Variants in HDAC4 observed in about 807,000 individuals in gnomAD.
HDAC4 encodes histone deacetylase A.
A neutral mutation model predicts 135.1 loss-of-function variants in HDAC4; 16 were observed. The observed-to-expected ratio is 0.12, with a 90% CI of 0.08 to 0.18. HDAC4 has a LOEUF of 0.18. Ranked by LOEUF, HDAC4 falls within the 10% of genes least tolerant of loss-of-function variation. HDAC4 has a pLI of 1.00. For missense variants in HDAC4, 1,143 were observed against 1,511.8 expected (o/e 0.76, Z 4.05); for synonymous variants, 685 against 653.4 (o/e 1.05, Z -0.74).
intron 3 of HDAC4, among the ~76,000 whole-genome samples, chr2:239,202,775 A>G (rs994164798): frequency 6.6e-6 from 1 of 152,208 alleles, no homozygotes; most frequent in South Asian, 2.1e-4. Context: ...GGGACAAAAC[A>G]GCAGGCCCAG....
chr2:239,096,023 T>C (rs2036994018), intron 16 of HDAC4, among the ~76,000 whole-genome samples: 2 of 152,230 alleles, frequency 1.3e-5, no homozygotes, highest in African/African-American at 4.8e-5. Context: ...TACCCCCCGC[T>C]GTGGGGCTCC....
intron 3 of HDAC4, among the ~76,000 whole-genome samples, chr2:239,213,299 C>T (rs1443887144): frequency 1.3e-5 from 2 of 152,288 alleles, no homozygotes; most frequent in East Asian, 1.9e-4. Flanking sequence ...AAGGGTGAGC[C>T]GTGGCGGATG....
intron 2 of HDAC4, among the ~76,000 whole-genome samples, chr2:239,259,100 G>T (rs544181703): frequency 2.0e-5 from 3 of 152,218 alleles, no homozygotes; most frequent in Admixed American, 6.5e-5. Context: ...CCATTTTTTT[G>T]AATATAATGC....
At position 239,301,467 on chromosome 2, in the gene HDAC4, C is replaced by CTTTT. The variant is rs368766670; in HGVS notation, c.22+51210_22+51211insAAAA. Among the ~76,000 whole-genome samples, 12 of 130,248 alleles carry CTTTT rather than the reference C, an allele frequency of 9.2e-5. 1 individual carries two copies. Among genetic ancestry groups the CTTTT allele is most frequent in the South Asian group, 5.0e-4 (2 of 3,980 alleles). 85.4% of individuals were successfully genotyped at this position (130,248 alleles called of 152,430 possible). A position where few individuals can be genotyped will look rare whatever the true frequency, so the allele number is the denominator to read the frequency against. ...CATTTCTAAATTCTGCTGGTGCTTT[C>CTTTT]TTTCTTTTTTTTTTTTTTTATTTTT... is the stretch of plus-strand genomic sequence containing the variant. On this transcript the variant is annotated intron_variant, in intron 2 of 26. Coordinates refer to ENST00000543185, the MANE Select transcript of HDAC4 (RefSeq NM_001378414.1).
At chr2:239,367,715 G>A (rs1345600527) in intron 1 of HDAC4, among the ~76,000 whole-genome samples, 1 of 152,184 alleles carries the variant, frequency 6.6e-6, no homozygotes, top group Non-Finnish European at 1.5e-5. Context: ...TTTAGGCTGG[G>A]TGTGGTGGCT....
At chr2:239,101,900 C>A (rs957860516) in intron 16 of HDAC4, among the ~76,000 whole-genome samples, 19 of 151,464 alleles carry the variant, frequency 1.3e-4, no homozygotes, top group African/African-American at 4.4e-4. Flanking sequence ...GTTCTGTGCC[C>A]TGGGAGCCCC....
At chr2:239,234,237 G>A (rs1034026957) in intron 3 of HDAC4, among the ~76,000 whole-genome samples, 2 of 152,094 alleles carry the variant, frequency 1.3e-5, no homozygotes, top group Non-Finnish European at 2.9e-5. Context: ...CCTGGGCATC[G>A]CTGCTACGTT....
intron 4 of HDAC4, among the ~76,000 whole-genome samples, chr2:239,185,563 G>A (rs1298292697): frequency 3.3e-5 from 5 of 152,040 alleles, no homozygotes; most frequent in Non-Finnish European, 7.4e-5. Flanking sequence ...TGCACCCTGA[G>A]GTGGGTGCCG....
intron 2 of HDAC4, among the ~76,000 whole-genome samples, chr2:239,290,694 ACACACGCACG>A (rs879344553): frequency 6.6e-5 from 10 of 151,994 alleles, no homozygotes; most frequent in Admixed American, 6.6e-4. Context: ...GCGCATGCAC[ACACACGCACG>A]CACACACTCA....
chr2:239,255,091 C>A (rs1455038599), intron 2 of HDAC4, among the ~76,000 whole-genome samples: 1 of 152,148 alleles, frequency 6.6e-6, no homozygotes, highest in African/African-American at 2.4e-5. Flanking sequence ...TGAGTACTTA[C>A]CATTCAGAAA....
chr2:239,399,572 G>A (rs886458546), intron 1 of HDAC4, among the ~76,000 whole-genome samples: 3 of 152,196 alleles, frequency 2.0e-5, no homozygotes, highest in Non-Finnish European at 4.4e-5. Context: ...ACCAGGTCAA[G>A]GTGCAAACCT....
At chr2:239,215,757 G>A (rs768990786) in intron 3 of HDAC4, among the ~76,000 whole-genome samples, 2 of 152,230 alleles carry the variant, frequency 1.3e-5, no homozygotes, top group Non-Finnish European at 2.9e-5. Context: ...AAAGCTGTCT[G>A]CACCAGCGCC....
chr2:239,093,942 A>G, intron 17 of HDAC4: 1 of 985,336 alleles, frequency 1.0e-6, no homozygotes, highest in Non-Finnish European at 1.2e-6. Context: ...GGTGGTATGA[A>G]TAAATGCCGT....
intron 2 of HDAC4, among the ~76,000 whole-genome samples, chr2:239,274,270 C>A (rs777452897): frequency 9.2e-5 from 14 of 152,238 alleles, no homozygotes; most frequent in Non-Finnish European, 7.3e-5. Flanking sequence ...GAAGGTTACA[C>A]CCTCCCAGCT....
intron 2 of HDAC4, among the ~76,000 whole-genome samples, chr2:239,242,230 A>AAGGGAGGGAGGGAGGGAGGG (rs142708646): frequency 2.0e-5 from 2 of 99,280 alleles, no homozygotes; most frequent in African/African-American, 7.4e-5. Flanking sequence ...GAAGGAGGGG[A>AAGGGAGGGAGGGAGGGAGGG]AGGGAGGGAG....
At chr2:239,396,852 C>T (rs77669933) in intron 1 of HDAC4, among the ~76,000 whole-genome samples, 112 of 152,248 alleles carry the variant, frequency 7.4e-4, no homozygotes, top group African/African-American at 2.6e-3. Flanking sequence ...ATCAACAGAC[C>T]GAACAACAAA....
intron 5 of HDAC4, among the ~76,000 whole-genome samples, chr2:239,165,759 G>T (rs1032971823): frequency 6.6e-6 from 1 of 152,164 alleles, no homozygotes; most frequent in African/African-American, 2.4e-5. Flanking sequence ...CCTGCCTCTT[G>T]TTTCCTTTTA....
At position 239,398,934 on chromosome 2, in the gene HDAC4, CTAAT is replaced by C. The variant is rs148200626; in HGVS notation, c.-220+2040_-220+2043del. 5.3e-3 allele frequency among the ~76,000 whole-genome samples: 806 copies of C among 152,336 alleles called. 5 individuals carry two copies. Among genetic ancestry groups the C allele is most frequent in the African/African-American group, 0.018 (763 of 41,580 alleles). On this transcript the variant is annotated intron_variant, in intron 1 of 26. Transcript: ENST00000543185. Reference sequence around the variant, plus strand: ...CTGCTGAGTACAGCCGGCTTCTTTTCTAATTGATTACTGCTCTCTTTAGGATGGG... The same window carrying C: ...CTGCTGAGTACAGCCGGCTTCTTTTCTGATTACTGCTCTCTTTAGGATGGG...
Position 239,337,284 on chromosome 2 carries a change from C to T in HDAC4, c.22+15394G>A, listed in dbSNP as rs567931329. On this transcript the variant is annotated intron_variant, in intron 2 of 26. Transcript: ENST00000543185. ...GCACGTGAGACTCAGCTGTACTCACCGGCGAAATAAACGTTTTGGCTCCGG... is the reference window on the plus strand; with the variant it reads ...GCACGTGAGACTCAGCTGTACTCACTGGCGAAATAAACGTTTTGGCTCCGG... Among the ~76,000 whole-genome samples, 6 of 152,174 alleles carry T rather than the reference C, an allele frequency of 3.9e-5. No individual in the cohort carries two copies. The South Asian group carries it at 6.2e-4, about 16-fold the overall frequency.
Sources: allele counts gnomAD v4.1 joint callset (sites outside exome capture counted in the v4.1 genomes callset), GRCh38; gene constraint gnomAD v4.1.1; transcripts MANE v1.5; gene names NCBI Gene and HGNC (gene_info 2026-07-23, HGNC 2026-07-21).